Variants in TXNL4A observed in about 807,000 individuals in gnomAD.
TXNL4A encodes thioredoxin like 4A.
TXNL4A carries 17 observed loss-of-function variants against 14.6 expected under a neutral mutation model. That is an observed-to-expected ratio of 1.16 (90% CI 0.80 to 1.74). TXNL4A has a LOEUF of 1.74. TXNL4A is among the 40% of genes most tolerant of loss of function. TXNL4A has a pLI of 0.00. For missense variants in TXNL4A, 74 were observed against 195.2 expected (o/e 0.38, Z 3.70); for synonymous variants, 83 against 70.6 (o/e 1.18, Z -0.88).
intron 1 of TXNL4A, among the ~76,000 whole-genome samples, chr18:80,024,833 C>T (rs375469832): frequency 3.3e-5 from 5 of 152,194 alleles, no homozygotes; most frequent in African/African-American, 7.2e-5. Context: ...CAGGAGGTAA[C>T]GGCCCTGAAA....
chr18:79,979,878 C>T (rs1008762591), intron 1 of TXNL4A, among the ~76,000 whole-genome samples: 7 of 152,334 alleles, frequency 4.6e-5, no homozygotes, highest in Middle Eastern at 3.4e-3. Context: ...TTTATAAATA[C>T]TAACTCAATG....
intron 1 of TXNL4A, among the ~76,000 whole-genome samples, chr18:80,032,197 C>T (rs2051925986): frequency 6.6e-6 from 1 of 152,088 alleles, no homozygotes; most frequent in Admixed American, 6.5e-5. Flanking sequence ...TAGGAATGAG[C>T]ATTCCTCGTG....
intron 2 of TXNL4A, among the ~76,000 whole-genome samples, chr18:79,976,158 A>G (rs1053849000): frequency 6.6e-6 from 1 of 152,186 alleles, no homozygotes; most frequent in Admixed American, 6.5e-5. Flanking sequence ...CTGAGGCGGG[A>G]GGATGGCTCG....
At chr18:80,013,094 A>C (rs914118463) in intron 1 of TXNL4A, among the ~76,000 whole-genome samples, 1 of 147,864 alleles carries the variant, frequency 6.8e-6, no homozygotes. Context: ...GAGAGAGAAC[A>C]AAAAAAATTA....
At chr18:79,977,820 G>C (rs201935661) in intron 1 of TXNL4A, 119 bp from the exon 2 acceptor site, 5 of 563,406 alleles carry the variant, frequency 8.9e-6, no homozygotes, top group Non-Finnish European at 1.5e-5. Context: ...TTTTTGTTTT[G>C]TTTTTTTGAG....
Position 79,988,387 on chromosome 18 carries a change from C to A in TXNL4A, c.6G>T (p.Ser2=). 1.3e-6 allele frequency: 2 copies of A among 1,486,472 alleles called. No individual in the cohort carries two copies. Among genetic ancestry groups the A allele is most frequent in the East Asian group, 2.7e-5 (1 of 37,492 alleles). 92.1% of individuals were successfully genotyped at this position (1,486,472 alleles called of 1,614,324 possible). Residue 2 remains serine (S), a synonymous_variant, in exon 1 of 3, where the codon TCG becomes TCT. Coordinates refer to ENST00000269601, the MANE Select transcript of TXNL4A (RefSeq NM_006701.5). ...CGTTGTGCAGGTGCGGGAGCATGTA[C>A]GACATGGCGGCCCGCGCGCTCGCCG... The part of the protein sequence containing the change: M[S]YMLPHLHNGW...
intron 1 of TXNL4A, among the ~76,000 whole-genome samples, chr18:79,978,410 T>C (rs778974891): frequency 5.9e-5 from 9 of 152,174 alleles, no homozygotes; most frequent in Admixed American, 1.3e-4. Flanking sequence ...TTTTCTTTAA[T>C]TGCAAGTTTA....
At chr18:80,021,286 C>T (rs2051847276) in intron 1 of TXNL4A, among the ~76,000 whole-genome samples, 1 of 152,066 alleles carries the variant, frequency 6.6e-6, no homozygotes, top group Non-Finnish European at 1.5e-5. Context: ...ATGCCATTCT[C>T]CTGCCTCAGC....
At chr18:79,995,121 C>G (rs971118857) in intron 1 of TXNL4A, 10 of 152,186 alleles carry the variant, frequency 6.6e-5, no homozygotes, top group Admixed American at 1.3e-4. Context: ...TAAAGAATTT[C>G]CTGCCTCCCG....
chr18:79,994,722 G>A (rs770887098), intron 1 of TXNL4A, among the ~76,000 whole-genome samples: 9 of 152,180 alleles, frequency 5.9e-5, no homozygotes, highest in South Asian at 2.1e-4. Flanking sequence ...CTCTCTAATC[G>A]TTTCTCTCTC....
intron 1 of TXNL4A, among the ~76,000 whole-genome samples, chr18:80,017,405 T>A (rs1364479887): frequency 6.6e-6 from 1 of 151,412 alleles, no homozygotes; most frequent in Non-Finnish European, 1.5e-5. Context: ...CTATGTTGAA[T>A]AGGAGTGGTG....
At chr18:80,005,732 T>G (rs1378183180) in intron 1 of TXNL4A, among the ~76,000 whole-genome samples, 1 of 152,044 alleles carries the variant, frequency 6.6e-6, no homozygotes, top group Non-Finnish European at 1.5e-5. Flanking sequence ...CTGGCCAACA[T>G]GGCAAAACCC....
chr18:79,995,110 A>G (rs1367062212), intron 1 of TXNL4A: 1 of 152,370 alleles, frequency 6.6e-6, no homozygotes, highest in South Asian at 2.1e-4. Context: ...GTTGCGAGGC[A>G]TAAAGAATTT....
upstream of TXNL4A, among the ~76,000 whole-genome samples, chr18:79,989,943 C>T (rs1020534830): frequency 6.6e-6 from 1 of 152,192 alleles, no homozygotes; most frequent in Non-Finnish European, 1.5e-5. Flanking sequence ...TTGCAGTGAG[C>T]TGAGATCGCA....
chr18:79,995,326 C>G (rs942739704), intron 1 of TXNL4A: 1 of 152,228 alleles, frequency 6.6e-6, no homozygotes, highest in African/African-American at 2.4e-5. Flanking sequence ...CAGCCAGCCC[C>G]AAATCCTGAA....
At chr18:79,987,433 C>A (rs906428161) in intron 1 of TXNL4A, among the ~76,000 whole-genome samples, 2 of 152,162 alleles carry the variant, frequency 1.3e-5, no homozygotes, top group African/African-American at 4.8e-5. Context: ...TTTTACTCTT[C>A]ATTAAAAGGA....
intron 1 of TXNL4A, among the ~76,000 whole-genome samples, chr18:80,004,373 G>A (rs2051716061): frequency 6.6e-6 from 1 of 152,192 alleles, no homozygotes; most frequent in Admixed American, 6.5e-5. Flanking sequence ...GAGAAAGGTG[G>A]GTAGAGGTGG....
rs1355870286 is a variant in TXNL4A at position 79,971,821 on chromosome 18, G to A, written c.*1864C>T. 2 of 152,158 alleles carry A rather than the reference G, an allele frequency of 1.3e-5. No homozygotes were observed. The highest frequency in any genetic ancestry group is 1.3e-4 in the Admixed American group (2 of 15,260). 9.4% of individuals were successfully genotyped at this position (152,158 alleles called of 1,614,324 possible). ...ACCTTCCTTAACAAGCAGTGATGCTGAGTGTCTCTTCGTGTGCTTCCTGGC... is the reference window on the plus strand; with the variant it reads ...ACCTTCCTTAACAAGCAGTGATGCTAAGTGTCTCTTCGTGTGCTTCCTGGC... On this transcript the variant is annotated 3_prime_UTR_variant, in exon 3 of 3. Transcript: ENST00000269601.
chr18:80,004,600 G>A (rs762631696), intron 1 of TXNL4A, among the ~76,000 whole-genome samples: 2 of 152,146 alleles, frequency 1.3e-5, no homozygotes, highest in Non-Finnish European at 2.9e-5. Flanking sequence ...CCAGGCCCTC[G>A]GCTTCGTGAA....
Sources: allele counts gnomAD v4.1 joint callset (sites outside exome capture counted in the v4.1 genomes callset), GRCh38; gene constraint gnomAD v4.1.1; transcripts MANE v1.5; gene names NCBI Gene and HGNC (gene_info 2026-07-23, HGNC 2026-07-21).